Variants in ACACB observed in about 807,000 individuals in gnomAD.
The protein encoded by ACACB is acetyl-CoA carboxylase 2.
ACACB carries 209 observed loss-of-function variants against 278.8 expected under a neutral mutation model. The ratio of observed to expected loss-of-function variants is 0.75; its 90% CI spans 0.67 to 0.84. The LOEUF (loss-of-function observed/expected upper bound fraction) is 0.84. ACACB is among the 40% of genes least tolerant of loss of function. ACACB has a pLI of 0.00. For synonymous variants in ACACB, 1,174 were observed against 1,285.6 expected, an observed-to-expected ratio of 0.91 and a Z score of 1.86; for missense variants, 2,850 against 3,269.0, an observed-to-expected ratio of 0.87 and a Z score of 3.13.
intron 21 of ACACB, among the ~76,000 whole-genome samples, chr12:109,211,897 C>T (rs909997629): frequency 1.3e-5 from 2 of 152,010 alleles, no homozygotes; most frequent in Non-Finnish European, 2.9e-5. Flanking sequence ...TGTCATTGAT[C>T]CAGGTTTTTT....
chr12:109,246,497 G>T, intron 39 of ACACB, 49 bp downstream of exon 39: 1 of 1,583,518 alleles, frequency 6.3e-7, no homozygotes, highest in Non-Finnish European at 8.6e-7. Flanking sequence ...AGCTACTACT[G>T]TATTTTCAGT....
chr12:109,186,772 G>C (rs2044677699), intron 12 of ACACB, among the ~76,000 whole-genome samples: 1 of 152,070 alleles, frequency 6.6e-6, no homozygotes, highest in South Asian at 2.1e-4. Flanking sequence ...ACCAACTCTG[G>C]TGGACAAGCA....
chr12:109,233,699 C>G, intron 29 of ACACB, 49 bp from the exon 30 acceptor site: 1 of 1,525,898 alleles, frequency 6.6e-7, no homozygotes, highest in South Asian at 1.1e-5. Context: ...TGACCTCATC[C>G]CCATGGGTCA....
chr12:109,210,489 A>G (rs1165035066), intron 21 of ACACB, among the ~76,000 whole-genome samples: 1 of 148,562 alleles, frequency 6.7e-6, no homozygotes, highest in Non-Finnish European at 1.5e-5. Flanking sequence ...ATATGTGTAT[A>G]TATACATGTA....
chr12:109,166,659 AAAAAAAAAAAAAAAAAAAC>A (rs1282707956), intron 2 of ACACB, among the ~76,000 whole-genome samples, 183 bp from the exon 3 acceptor site: 20 of 140,722 alleles, frequency 1.4e-4, no homozygotes, highest in African/African-American at 5.1e-4. Flanking sequence ...CAAAAAAAAA[AAAAAAAAAAAAAAAAAAAC>A]CGAAGGTGCT....
At position 109,177,729 on chromosome 12, in the gene ACACB, C is replaced by G. The variant is rs138439196; in HGVS notation, c.1438-1359C>G. Among the ~76,000 whole-genome samples, 1,428 of 152,320 alleles carry G rather than the reference C, an allele frequency of 9.4e-3. 11 individuals carry two copies. The highest frequency in any genetic ancestry group is 0.015 in the Non-Finnish European group (1,047 of 68,028). ...ACTTTTCTGTTTGGTAAACTCCAGA[C>G]TAGATTGAATTTCATCTGTTTTTGC... On this transcript the variant is annotated intron_variant, in intron 9 of 52. Coordinates refer to ENST00000338432, the MANE Select transcript of ACACB (RefSeq NM_001093.4).
chr12:109,254,153 G>T, intron 43 of ACACB, 61 bp from the exon 44 acceptor site: 1 of 1,596,234 alleles, frequency 6.3e-7, no homozygotes, highest in East Asian at 2.2e-5. Flanking sequence ...GCAAAGTGCT[G>T]ATCAGAGGTA....
In ACACB at chr12:109,222,846, G is replaced by C. The variant is rs2046213380; in HGVS notation, c.3726G>C (p.Gln1242His). 2 of 1,613,816 alleles carry C rather than the reference G, an allele frequency of 1.2e-6. No individual in the cohort carries two copies. The highest frequency in any genetic ancestry group is 1.7e-5 in the Admixed American group (1 of 59,988). ...HLPSYELRHNQVESIFLSAID... is the reference protein window; with the variant it reads ...HLPSYELRHNHVESIFLSAID... The stretch of plus-strand genomic sequence containing the variant: ...CCTCCTACGAGCTGCGGCATAACCA[G>C]GTGGAGTCCATTTTCCTGTCTGCCA... Residue 1242 changes from glutamine (Q) to histidine (H), a missense_variant, in exon 26 of 53, where the codon CAG becomes CAC. Physicochemically the swap from Gln to His is conservative, Grantham distance 24. Transcript: ENST00000338432.
intron 9 of ACACB, 62 bp downstream of exon 9, chr12:109,176,325 A>G (rs1049927763): frequency 7.2e-7 from 1 of 1,385,134 alleles, no homozygotes. Flanking sequence ...GGGCTGCCAG[A>G]TTATTTCTCT....
intron 4 of ACACB, among the ~76,000 whole-genome samples, chr12:109,169,274 A>G (rs2044027642): frequency 6.6e-6 from 1 of 152,070 alleles, no homozygotes; most frequent in Non-Finnish European, 1.5e-5. Flanking sequence ...CCATCCCCTA[A>G]GCCTTCCTGC....
chr12:109,243,891 ATATATT>A (rs894488919), intron 37 of ACACB, among the ~76,000 whole-genome samples: 7 of 140,932 alleles, frequency 5.0e-5, no homozygotes, highest in African/African-American at 1.5e-4. Context: ...ATATATATAT[ATATATT>A]TATTTATTTA....
chr12:109,228,548 A>C (rs1325728470), intron 28 of ACACB, among the ~76,000 whole-genome samples: 1 of 149,380 alleles, frequency 6.7e-6, no homozygotes, highest in African/African-American at 2.5e-5. Context: ...ATCCCAGGTT[A>C]CTCGGGAGGC....
chr12:109,225,549 A>T (rs1805010405), intron 27 of ACACB, among the ~76,000 whole-genome samples: 1 of 152,228 alleles, frequency 6.6e-6, no homozygotes, highest in South Asian at 2.1e-4. Flanking sequence ...TTGACAGGGA[A>T]TGGTGGGAAC....
chr12:109,216,973 A>C, intron 24 of ACACB, 53 bp downstream of exon 24: 2 of 1,584,586 alleles, frequency 1.3e-6, no homozygotes, highest in Non-Finnish European at 1.7e-6. Flanking sequence ...GGAGTCCACA[A>C]ACGTTTTCTT....
At chr12:109,211,342 CTTTTTTTTTTT>C (rs35008047) in intron 21 of ACACB, among the ~76,000 whole-genome samples, 1 of 109,984 alleles carries the variant, frequency 9.1e-6, no homozygotes, top group African/African-American at 3.6e-5. Flanking sequence ...TGTGATTCCT[CTTTTTTTTTTT>C]TTTTTTTTTT....
chr12:109,166,780 T>TC lies in ACACB; in HGVS notation c.654-79dup, dbSNP rs1462054520. On this transcript the variant is annotated intron_variant, in intron 2 of 52. Transcript: ENST00000338432. ...CTCTGGTGCAGTTTGGCTCCTCTGCTCCACTGGCTTTACAGGTGCCGAGCT... is the reference window on the plus strand; with the variant it reads ...CTCTGGTGCAGTTTGGCTCCTCTGCTCCCACTGGCTTTACAGGTGCCGAGCT... The TC allele has an allele frequency of 3.9e-6, 6 of 1,554,920 alleles. No homozygotes were observed. In the African/African-American group the frequency reaches 8.2e-5, roughly 21 times the overall value.
intron 36 of ACACB, chr12:109,241,836 G>A (rs377719727): frequency 7.2e-4 from 114 of 158,862 alleles, no homozygotes; most frequent in African/African-American, 2.2e-3. Flanking sequence ...ATATATACAC[G>A]CCATTTTTTA....
intron 24 of ACACB, among the ~76,000 whole-genome samples, chr12:109,217,919 G>A (rs1056031257): frequency 6.6e-6 from 1 of 152,246 alleles, no homozygotes; most frequent in Non-Finnish European, 1.5e-5. Flanking sequence ...TACTCCTGAA[G>A]TGCTTTCCAA....
At chr12:109,141,481 A>G (rs900158284) in intron 2 of ACACB, among the ~76,000 whole-genome samples, 29 of 152,220 alleles carry the variant, frequency 1.9e-4, no homozygotes, top group African/African-American at 7.0e-4. Flanking sequence ...GAGAACAGAG[A>G]GAAGAAAAGA....
Sources: allele counts gnomAD v4.1 joint callset (sites outside exome capture counted in the v4.1 genomes callset), GRCh38; gene constraint gnomAD v4.1.1; transcripts MANE v1.5; gene names NCBI Gene and HGNC (gene_info 2026-07-23, HGNC 2026-07-21).